Variants in PRKD1 observed in about 807,000 individuals in gnomAD.
PRKD1 encodes protein kinase D1, also known as serine/threonine-protein kinase D1.
A neutral mutation model predicts 95.9 loss-of-function variants in PRKD1; 63 were observed. The observed-to-expected ratio is 0.66, with a 90% CI of 0.54 to 0.81. PRKD1 has a LOEUF of 0.81. Ranked by LOEUF, PRKD1 falls within the 30% of genes least tolerant of loss-of-function variation. The pLI is 0.00. For missense variants in PRKD1, 1,048 were observed against 1,165.3 expected (o/e 0.90, Z 1.47); for synonymous variants, 425 against 423.1 (o/e 1.00, Z -0.05).
chr14:29,594,569 C>T (rs1269241658), intron 16 of PRKD1, among the ~76,000 whole-genome samples: 11 of 152,252 alleles, frequency 7.2e-5, no homozygotes, highest in South Asian at 2.1e-4. Flanking sequence ...GATGACTCCT[C>T]GGAATGGCAG....
chr14:29,656,130 C>A (rs139303153), intron 4 of PRKD1, among the ~76,000 whole-genome samples: 1 of 152,104 alleles, frequency 6.6e-6, no homozygotes, highest in Non-Finnish European at 1.5e-5. Flanking sequence ...ATGTATTCTT[C>A]ATTCTCAATA....
At chr14:29,741,299 T>G (rs1282902875) in intron 1 of PRKD1, among the ~76,000 whole-genome samples, 1 of 152,168 alleles carries the variant, frequency 6.6e-6, no homozygotes, top group Non-Finnish European at 1.5e-5. Flanking sequence ...CCGTGAATAT[T>G]ATCATAATTA....
At position 29,889,509 on chromosome 14, in the gene PRKD1, A is replaced by G. The variant is rs368022958; in HGVS notation, c.264+37740T>C. ...ATGAGTGACTGTCCATCAATAATAG[A>G]CTGGATGAAGAAAATGTGGCATATA... On this transcript the variant is annotated intron_variant, in intron 1 of 17. Transcript: ENST00000331968. Among the ~76,000 whole-genome samples, 11 of 152,280 alleles carry G rather than the reference A, an allele frequency of 7.2e-5. No homozygotes were observed. In the South Asian group the frequency reaches 1.5e-3, roughly 20 times the overall value.
chr14:29,658,624 G>A (rs1380718682), intron 4 of PRKD1, among the ~76,000 whole-genome samples: 2 of 152,084 alleles, frequency 1.3e-5, no homozygotes, highest in Non-Finnish European at 2.9e-5. Context: ...AAAAGAGAGC[G>A]ACCTGTTTCA....
intron 1 of PRKD1, among the ~76,000 whole-genome samples, chr14:29,898,532 A>G (rs1204271903): frequency 6.6e-6 from 1 of 152,184 alleles, no homozygotes; most frequent in East Asian, 1.9e-4. Flanking sequence ...CTTTTGATGA[A>G]TATTACATAT....
chr14:29,677,152 G>T (rs1446638856), intron 2 of PRKD1, among the ~76,000 whole-genome samples: 1 of 152,152 alleles, frequency 6.6e-6, no homozygotes, highest in African/African-American at 2.4e-5. Context: ...TATTTGATAA[G>T]CTCAGTTTAA....
At chr14:29,879,320 G>A (rs761430678) in intron 1 of PRKD1, among the ~76,000 whole-genome samples, 11 of 152,174 alleles carry the variant, frequency 7.2e-5, no homozygotes, top group African/African-American at 1.9e-4. Flanking sequence ...CCTGGGGGCC[G>A]GTCTCTCCCG....
rs759317394 is a variant in PRKD1 at position 29,885,804 on chromosome 14, T to TAAAAA, written c.264+41440_264+41444dup. Among the ~76,000 whole-genome samples, 4 of 53,502 alleles carry TAAAAA rather than the reference T, an allele frequency of 7.5e-5. 1 individual carries two copies. The highest frequency in any genetic ancestry group is 1.2e-4 in the African/African-American group (2 of 16,086). The allele number at this position is 53,502 out of a possible 152,430, so 35.1% of individuals were successfully genotyped here. ...CAACATGGTGAAACCCCATCTTTAC[T>TAAAAA]AAAAAAAAAAAAAAAAAAAAAAAAA... On this transcript the variant is annotated intron_variant, in intron 1 of 17. Coordinates refer to ENST00000331968, the MANE Select transcript of PRKD1 (RefSeq NM_002742.3).
intron 13 of PRKD1, among the ~76,000 whole-genome samples, chr14:29,610,020 A>C (rs1197788767): frequency 6.6e-6 from 1 of 152,154 alleles, no homozygotes; most frequent in Non-Finnish European, 1.5e-5. Flanking sequence ...GAAGTAGCTA[A>C]ATGTAGAGGG....
rs146824853 is a variant in PRKD1, at chr14:29,641,463, T to C, written c.697-2559A>G. Among the ~76,000 whole-genome samples the C allele has an allele frequency of 3.2e-3, 482 of 152,288 alleles. 3 individuals carry two copies. Among genetic ancestry groups the C allele is most frequent in the African/African-American group, 9.6e-3 (400 of 41,562 alleles). The stretch of plus-strand genomic sequence containing the variant: ...TGCATAGTAACGTATTTTGTAGAAA[T>C]TGATTTACTGCTGGAAGGAGACTGT... On this transcript the variant is annotated intron_variant, in intron 4 of 17. Transcript: ENST00000331968.
intron 1 of PRKD1, among the ~76,000 whole-genome samples, chr14:29,896,566 T>C (rs1406231962): frequency 6.6e-6 from 1 of 152,116 alleles, no homozygotes; most frequent in Non-Finnish European, 1.5e-5. Context: ...AAATCTTAGA[T>C]TGTAAAGCTG....
At chr14:29,666,857 T>C (rs990806102) in intron 2 of PRKD1, among the ~76,000 whole-genome samples, 3 of 152,176 alleles carry the variant, frequency 2.0e-5, no homozygotes, top group African/African-American at 7.2e-5. Flanking sequence ...CAGTCCATTC[T>C]GAGAAATACA....
At chr14:29,884,702 T>C (rs1893633743) in intron 1 of PRKD1, among the ~76,000 whole-genome samples, 1 of 152,084 alleles carries the variant, frequency 6.6e-6, no homozygotes. Context: ...GATGCTAGGA[T>C]ATTATTATGG....
chr14:29,676,192 T>TTTTTTTTTTTTTG (rs1566532348), intron 2 of PRKD1, among the ~76,000 whole-genome samples: 7 of 128,550 alleles, frequency 5.4e-5, no homozygotes, highest in African/African-American at 1.6e-4. Flanking sequence ...TGTTTTTTTT[T>TTTTTTTTTTTTTG]TTTTTTTTTT....
intron 2 of PRKD1, among the ~76,000 whole-genome samples, chr14:29,712,859 G>C (rs752350879): frequency 1.3e-5 from 2 of 152,124 alleles, no homozygotes; most frequent in Non-Finnish European, 2.9e-5. Flanking sequence ...CTGAGTTATT[G>C]AACTGAAGTG....
At chr14:29,647,520 G>A (rs1881202608) in intron 4 of PRKD1, among the ~76,000 whole-genome samples, 1 of 152,204 alleles carries the variant, frequency 6.6e-6, no homozygotes, top group South Asian at 2.1e-4. Context: ...AGTAATTTTA[G>A]AGGTAAATAT....
At chr14:29,666,696 T>A (rs1277424709) in intron 2 of PRKD1, among the ~76,000 whole-genome samples, 1 of 152,058 alleles carries the variant, frequency 6.6e-6, no homozygotes. Context: ...AGATATAAAA[T>A]ATGAGTGGCT....
chr14:29,643,322 T>A (rs1199078731), intron 4 of PRKD1, among the ~76,000 whole-genome samples: 2 of 152,206 alleles, frequency 1.3e-5, no homozygotes, highest in African/African-American at 2.4e-5. Flanking sequence ...AACGTAATGA[T>A]GAAAGTTGTA....
chr14:29,613,024 GGAGGTGGAGCTTGCA>G (rs1878584644), intron 13 of PRKD1, among the ~76,000 whole-genome samples: 1 of 152,126 alleles, frequency 6.6e-6, no homozygotes, highest in African/African-American at 2.4e-5. Context: ...CGTGAACTCG[GGAGGTGGAGCTTGCA>G]GTGAGCCAAG....
Sources: allele counts gnomAD v4.1 joint callset (sites outside exome capture counted in the v4.1 genomes callset), GRCh38; gene constraint gnomAD v4.1.1; transcripts MANE v1.5; gene names NCBI Gene and HGNC (gene_info 2026-07-23, HGNC 2026-07-21).